The following ZNF470 variants were observed in gnomAD, a reference collection of about 807,000 sequenced individuals.
ZNF470 encodes the protein chondrogenesis zinc finger protein 1.
In ZNF470, 13 loss-of-function variants were observed where a neutral mutation model predicts 13.9. The observed-to-expected ratio is 0.94, with a 90% CI of 0.61 to 1.49. ZNF470 has a LOEUF of 1.49. ZNF470 is among the 40% of genes most tolerant of loss of function. ZNF470 has a pLI of 0.00. For missense variants in ZNF470, 929 were observed against 857.3 expected (o/e 1.08, Z -1.04); for synonymous variants, 293 against 282.9 (o/e 1.04, Z -0.36).
intron 3 of ZNF470, among the ~76,000 whole-genome samples, chr19:56,571,163 G>T (rs1392001054): frequency 2.0e-5 from 3 of 152,202 alleles, no homozygotes; most frequent in Non-Finnish European, 4.4e-5. Flanking sequence ...TTTGACCATG[G>T]AGCCGTGAAC....
chr19:56,573,250 A>G (rs888615372), intron 3 of ZNF470, among the ~76,000 whole-genome samples: 2 of 152,072 alleles, frequency 1.3e-5, no homozygotes, highest in Non-Finnish European at 2.9e-5. Context: ...ATAGGCAACA[A>G]TTCTTAAGCA....
Position 56,580,732 on chromosome 19 carries a change from C to A in ZNF470, c.*2149C>A. 3.8e-6 allele frequency: 2 copies of A among 520,092 alleles called. No homozygotes were observed. Among genetic ancestry groups the A allele is most frequent in the Non-Finnish European group, 4.9e-6 (2 of 405,246 alleles). The allele number at this position is 520,092 out of a possible 1,614,324, so 32.2% of individuals were successfully genotyped here. On this transcript the variant is annotated 3_prime_UTR_variant, in exon 6 of 6. Transcript: ENST00000330619. ...GACTGCTAGAAAATGGAGTTTGGGG[C>A]TCCCTCTTCACTTCTGCTGATAGAA...
At position 56,578,849 on chromosome 19, in the gene ZNF470, G is replaced by T. The variant is rs1296862369; in HGVS notation, c.*266G>T. ...CATTTCAAGGATTTAGCACACACTGGCATATAGTTATTGCTAAATAAATGC... is the reference window on the plus strand; with the variant it reads ...CATTTCAAGGATTTAGCACACACTGTCATATAGTTATTGCTAAATAAATGC... On this transcript the variant is annotated 3_prime_UTR_variant, in exon 6 of 6. Coordinates refer to ENST00000330619, the MANE Select transcript of ZNF470 (RefSeq NM_001001668.4). 5 of 1,146,866 alleles carry T rather than the reference G, an allele frequency of 4.4e-6. No individual in the cohort carries two copies. The highest frequency in any genetic ancestry group is 4.1e-5 in the South Asian group (1 of 24,218). The allele number at this position is 1,146,866 out of a possible 1,614,324, so 71.0% of individuals were successfully genotyped here.
In ZNF470 at chr19:56,578,565, A is replaced by AT; in HGVS notation, c.2137dup (p.Tyr713LeufsTer11). 1 of 1,548,672 alleles carries AT rather than the reference A, an allele frequency of 6.5e-7. No homozygotes were observed. The highest frequency in any genetic ancestry group is 1.7e-4 in the Middle Eastern group (1 of 5,748). On this transcript the variant is annotated frameshift_variant, in exon 6 of 6. Coordinates refer to ENST00000330619, the MANE Select transcript of ZNF470 (RefSeq NM_001001668.4). LOFTEE classifies it high-confidence loss of function. ...CAGTTATTCTCTCCTCTGCCCTCCC[A>AT]TACCACCAAGTCCTATAGATTCAAT...
rs1235489163 is a variant in ZNF470, at chr19:56,582,469, G to A, written c.*3886G>A. ...TTTTTATGCATTGTTAAAGTGGAAT[G>A]CTGGTTAAATTTTATACTTTATTCA... On this transcript the variant is annotated 3_prime_UTR_variant, in exon 6 of 6. Coordinates refer to ENST00000330619, the MANE Select transcript of ZNF470 (RefSeq NM_001001668.4). 1.0e-6 allele frequency: 1 copy of A among 985,224 alleles called. No individual in the cohort carries two copies. Among genetic ancestry groups the A allele is most frequent in the Admixed American group, 6.1e-5 (1 of 16,262 alleles). The allele number at this position is 985,224 out of a possible 1,614,324, so 61.0% of individuals were successfully genotyped here.
chr19:56,582,737 A>G lies in ZNF470; in HGVS notation c.*4154A>G, dbSNP rs900374588. 9.5e-6 allele frequency: 2 copies of G among 210,386 alleles called. No individual in the cohort carries two copies. Among genetic ancestry groups the G allele is most frequent in the African/African-American group, 2.4e-5 (1 of 42,412 alleles). 13.0% of individuals were successfully genotyped at this position (210,386 alleles called of 1,614,324 possible). A position where few individuals can be genotyped will look rare whatever the true frequency, so the allele number is the denominator to read the frequency against. On this transcript the variant is annotated 3_prime_UTR_variant, in exon 6 of 6. Coordinates refer to ENST00000330619, the MANE Select transcript of ZNF470 (RefSeq NM_001001668.4). Reference sequence around the variant, plus strand: ...AGACACCAGAGGTTTGTCTCTCCACATGTGCACAGAGGAAATGCTGTGTAA... The same window carrying G: ...AGACACCAGAGGTTTGTCTCTCCACGTGTGCACAGAGGAAATGCTGTGTAA...
At position 56,578,161 on chromosome 19, in the gene ZNF470, T is replaced by C. The variant is rs1364347832; in HGVS notation, c.1732T>C (p.Ser578Pro). The change falls in exon 6 of 6, where the codon TCA becomes CCA. Residue 578 changes from serine to proline, a missense_variant. Physicochemically the swap from Ser to Pro is moderately conservative, Grantham distance 74. Transcript: ENST00000330619. ...IECGKAFSDG[S>P]YLVQHQRLHS... ...ATGTGGGAAGGCCTTTAGTGATGGC[T>C]CATATCTTGTTCAACATCAGAGACT... 2 of 1,613,812 alleles carry C rather than the reference T, an allele frequency of 1.2e-6. No homozygotes were observed. Among genetic ancestry groups the C allele is most frequent in the South Asian group, 1.1e-5 (1 of 91,062 alleles).
In ZNF470 at chr19:56,567,727, C is replaced by T. The variant is rs2147976740; in HGVS notation, c.-470C>T. On this transcript the variant is annotated 5_prime_UTR_variant, in exon 1 of 6. Transcript: ENST00000330619. ...CGGCCCGGTGTGTGACTGTCCGGTG[C>T]GTGGCCGCGAATCTGCGCCTGCGTG... 1 of 988,170 alleles carries T rather than the reference C, an allele frequency of 1.0e-6. No individual in the cohort carries two copies. Among genetic ancestry groups the T allele is most frequent in the South Asian group, 4.7e-5 (1 of 21,434 alleles). The allele number at this position is 988,170 out of a possible 1,614,324, so 61.2% of individuals were successfully genotyped here. A position where few individuals can be genotyped will look rare whatever the true frequency, so the allele number is the denominator to read the frequency against.
rs767867063 is a variant in ZNF470, at chr19:56,580,072, A to G, written c.*1489A>G. The stretch of plus-strand genomic sequence containing the variant: ...ATTAAATGCATGCTATGTGATAAGT[A>G]TATGATATGTCCCATAAAGAGAAAT... On this transcript the variant is annotated 3_prime_UTR_variant, in exon 6 of 6. Coordinates refer to ENST00000330619, the MANE Select transcript of ZNF470 (RefSeq NM_001001668.4). 1.6e-5 allele frequency: 13 copies of G among 803,900 alleles called. No homozygotes were observed. Among genetic ancestry groups the G allele is most frequent in the Non-Finnish European group, 2.0e-5 (13 of 664,690 alleles). 49.8% of individuals were successfully genotyped at this position (803,900 alleles called of 1,614,324 possible). A position where few individuals can be genotyped will look rare whatever the true frequency, so the allele number is the denominator to read the frequency against.
At position 56,582,009 on chromosome 19, in the gene ZNF470, T is replaced by G. The variant is rs1469046210; in HGVS notation, c.*3426T>G. The stretch of plus-strand genomic sequence containing the variant: ...TTTTTGCCTCCTGTTGGTCAGTTGC[T>G]TGCAAGTAAAGAAACAATCATACAG... On this transcript the variant is annotated 3_prime_UTR_variant, in exon 6 of 6. Transcript: ENST00000330619. 1.0e-5 allele frequency: 10 copies of G among 985,300 alleles called. No individual in the cohort carries two copies. The African/African-American group carries it at 1.7e-4, about 17-fold the overall frequency. The allele number at this position is 985,300 out of a possible 1,614,324, so 61.0% of individuals were successfully genotyped here. A position where few individuals can be genotyped will look rare whatever the true frequency, so the allele number is the denominator to read the frequency against.
intron 2 of ZNF470, among the ~76,000 whole-genome samples, chr19:56,569,458 C>G (rs2044434910): frequency 6.6e-6 from 1 of 152,152 alleles, no homozygotes; most frequent in Non-Finnish European, 1.5e-5. Context: ...GACTTATTTT[C>G]TGTTATTTTC....
intron 5 of ZNF470, among the ~76,000 whole-genome samples, chr19:56,575,797 A>G (rs776016020): frequency 5.3e-5 from 8 of 152,100 alleles, no homozygotes; most frequent in Non-Finnish European, 8.8e-5. Context: ...TATAGTTTCA[A>G]CAAGAGGATT....
At chr19:56,568,555 C>T (rs1051376965) in intron 1 of ZNF470, among the ~76,000 whole-genome samples, 1 of 152,072 alleles carries the variant, frequency 6.6e-6, no homozygotes, top group South Asian at 2.1e-4. Context: ...TCTGGCCTCC[C>T]ACTCCAATAA....
In ZNF470 at chr19:56,579,101, CTG is replaced by C; in HGVS notation, c.*519_*520del. The C allele has an allele frequency of 1.0e-6, 1 of 985,526 alleles. No individual in the cohort carries two copies. The highest frequency in any genetic ancestry group is 1.2e-6 in the Non-Finnish European group (1 of 830,020). The allele number at this position is 985,526 out of a possible 1,614,324, so 61.0% of individuals were successfully genotyped here. A position where few individuals can be genotyped will look rare whatever the true frequency, so the allele number is the denominator to read the frequency against. On this transcript the variant is annotated 3_prime_UTR_variant, in exon 6 of 6. Coordinates refer to ENST00000330619, the MANE Select transcript of ZNF470 (RefSeq NM_001001668.4). ...TGAGCAACTCTCACTTTACCTGACA[CTG>C]AGAAGTGAGAATCAGCCAATTAGAA... is the stretch of plus-strand genomic sequence containing the variant.
Position 56,576,780 on chromosome 19 carries a change from C to T in ZNF470, c.351C>T (p.Pro117=), listed in dbSNP as rs1568495219. ...AGGATATTTATGAAGAAAAATTACC[C>T]CCGGCAATCATAATGGAAAGACTTA... is the stretch of plus-strand genomic sequence containing the variant. ...LNQDIYEEKL[P]PAIIMERLKS... is the part of the protein sequence containing the mutation. The change falls in exon 6 of 6, where the codon CCC becomes CCT. Residue 117 remains proline, a synonymous_variant. Coordinates refer to ENST00000330619, the MANE Select transcript of ZNF470 (RefSeq NM_001001668.4). 1 of 1,541,456 alleles carries T rather than the reference C, an allele frequency of 6.5e-7. No individual in the cohort carries two copies. Among genetic ancestry groups the T allele is most frequent in the Admixed American group, 2.2e-5 (1 of 45,436 alleles).
At position 56,577,755 on chromosome 19, in the gene ZNF470, A is replaced by G; in HGVS notation, c.1326A>G (p.Val442=). ...TTAGCCATGGCTCATCTCTGACAGT[A>G]CATCAGAGAATTCATACAGGAGAGA... ...KAFSHGSSLT[V]HQRIHTGEKP... is the part of the protein sequence containing the mutation. Residue 442 remains valine (V), a synonymous_variant, in exon 6 of 6, where the codon GTA becomes GTG. Transcript: ENST00000330619. The G allele has an allele frequency of 1.2e-6, 2 of 1,613,288 alleles. No individual in the cohort carries two copies. The highest frequency in any genetic ancestry group is 8.5e-7 in the Non-Finnish European group (1 of 1,179,352).
chr19:56,581,082 A>G lies in ZNF470; in HGVS notation c.*2499A>G, dbSNP rs2044532073. 2.0e-6 allele frequency: 2 copies of G among 983,738 alleles called. No homozygotes were observed. The highest frequency in any genetic ancestry group is 2.4e-6 in the Non-Finnish European group (2 of 828,460). 60.9% of individuals were successfully genotyped at this position (983,738 alleles called of 1,614,324 possible). On this transcript the variant is annotated 3_prime_UTR_variant, in exon 6 of 6. Coordinates refer to ENST00000330619, the MANE Select transcript of ZNF470 (RefSeq NM_001001668.4). ...TTATATGGTGGAAAACATCATAGTC[A>G]ATAGATAAATGAGAGACTGACACAA...
rs575632418 is a variant in ZNF470 at position 56,568,792 on chromosome 19, C to A, written c.-124C>A. ...CAGAAGCATAGAGAGGATAAGTAAT[C>A]ACTAGCAAGTGGAAGAACCGGGATT... On this transcript the variant is annotated 5_prime_UTR_variant, in exon 2 of 6. Transcript: ENST00000330619. The A allele has an allele frequency of 1.3e-5, 2 of 152,144 alleles. No homozygotes were observed. The highest frequency in any genetic ancestry group is 4.1e-4 in the South Asian group (2 of 4,832). The allele number at this position is 152,144 out of a possible 1,614,324, so 9.4% of individuals were successfully genotyped here.
chr19:56,568,572 A>AG (rs2044428195), intron 1 of ZNF470, among the ~76,000 whole-genome samples, 186 bp from the exon 2 acceptor site: 1 of 152,110 alleles, frequency 6.6e-6, no homozygotes, highest in East Asian at 1.9e-4. Context: ...ATAAAGAGAA[A>AG]GGGGGAGGAA....
Sources: gnomAD v4.1 joint callset for allele counts (sites outside exome capture counted in the v4.1 genomes callset) on GRCh38, gnomAD v4.1.1 for gene constraint, MANE v1.5 for transcripts, NCBI Gene and HGNC (gene_info 2026-07-23, HGNC 2026-07-21) for gene names.